Variants in MPDZ observed in about 807,000 individuals in gnomAD.
MPDZ encodes multiple PDZ domain crumbs cell polarity complex component, also known as multiple PDZ domain protein.
Under a neutral mutation model 239.1 loss-of-function variants are expected in MPDZ, and 234 were observed. The ratio of observed to expected loss-of-function variants is 0.98; its 90% CI spans 0.88 to 1.09. The LOEUF (loss-of-function observed/expected upper bound fraction) is 1.09. Among genes scored for constraint, MPDZ ranks in the 50% least tolerant of loss-of-function variants. The pLI, the probability that MPDZ is intolerant of heterozygous loss-of-function variation, is 0.00. For missense variants in MPDZ, 3,175 were observed against 2,510.0 expected, an observed-to-expected ratio of 1.26 and a Z score of -5.66; for synonymous variants, 1,048 against 881.3, an observed-to-expected ratio of 1.19 and a Z score of -3.35.
At chr9:13,145,279 A>T (rs1323044905) in intron 26 of MPDZ, among the ~76,000 whole-genome samples, 1 of 152,030 alleles carries the variant, frequency 6.6e-6, no homozygotes, top group South Asian at 2.1e-4. Flanking sequence ...AACAACGAAG[A>T]AGCACAGGGA....
Position 13,136,808 on chromosome 9 carries a change from G to A in MPDZ, c.4201-5C>T. On this transcript the variant is annotated splice_polypyrimidine_tract_variant and splice_region_variant and intron_variant, in intron 29 of 46. Coordinates refer to ENST00000319217, the MANE Select transcript of MPDZ (RefSeq NM_001378778.1). ...ATATAAAATCTGACCATTGATCTGT[G>A]AGAAATAAATATCATTAGTTGGGCC... 1 of 1,563,088 alleles carries A rather than the reference G, an allele frequency of 6.4e-7. No homozygotes were observed. Among genetic ancestry groups the A allele is most frequent in the East Asian group, 2.3e-5 (1 of 43,772 alleles).
intron 32 of MPDZ, 46 bp downstream of exon 32, chr9:13,133,778 G>T: frequency 7.6e-7 from 1 of 1,319,070 alleles, no homozygotes; most frequent in South Asian, 1.2e-5. Flanking sequence ...AGAACACTGA[G>T]GTAAAGGAAC....
intron 43 of MPDZ, 93 bp downstream of exon 43, chr9:13,111,931 A>T (rs1942550868): frequency 9.7e-6 from 13 of 1,339,252 alleles, no homozygotes; most frequent in Middle Eastern, 1.9e-4. Context: ...TAGATATTTA[A>T]AACTGCCTTG....
intron 12 of MPDZ, among the ~76,000 whole-genome samples, chr9:13,197,307 G>T (rs1379981797): frequency 6.6e-6 from 1 of 151,878 alleles, no homozygotes; most frequent in Admixed American, 6.6e-5. Flanking sequence ...TTGTTTATTT[G>T]TTTGTTTTTA....
intron 24 of MPDZ, among the ~76,000 whole-genome samples, chr9:13,154,991 G>A (rs1949648072): frequency 1.3e-5 from 2 of 152,130 alleles, no homozygotes; most frequent in South Asian, 4.1e-4. Context: ...AGCCAAGGCA[G>A]GTGGATCATG....
At chr9:13,132,114 G>T (rs1946086756) in intron 32 of MPDZ, among the ~76,000 whole-genome samples, 1 of 152,168 alleles carries the variant, frequency 6.6e-6, no homozygotes, top group African/African-American at 2.4e-5. Context: ...GTTCTCCAAG[G>T]TCTTGCATTC....
rs1236772636 is a variant in MPDZ at position 13,240,189 on chromosome 9, A to T, written c.183+7446T>A. Among the ~76,000 whole-genome samples, 3 of 152,068 alleles carry T rather than the reference A, an allele frequency of 2.0e-5. 1 individual carries two copies. Among genetic ancestry groups the T allele is most frequent in the Non-Finnish European group, 4.4e-5 (3 of 67,940 alleles). ...GGAGACAAACTGACTCACTGTTCAC[A>T]ATCTGCTTAGAGGAAAATAAAAATA... On this transcript the variant is annotated intron_variant, in intron 3 of 46. Coordinates refer to ENST00000319217, the MANE Select transcript of MPDZ (RefSeq NM_001378778.1).
intron 1 of MPDZ, among the ~76,000 whole-genome samples, chr9:13,254,505 A>G (rs1366556807): frequency 6.6e-6 from 1 of 152,172 alleles, no homozygotes. Flanking sequence ...AGTTGTTGTT[A>G]ATCTCTTATT....
Position 13,205,104 on chromosome 9 carries a change from T to C in MPDZ, c.1478A>G (p.Asn493Ser). 1 of 1,403,202 alleles carries C rather than the reference T, an allele frequency of 7.1e-7. No individual in the cohort carries two copies. The highest frequency in any genetic ancestry group is 9.4e-7 in the Non-Finnish European group (1 of 1,062,816). The allele number at this position is 1,403,202 out of a possible 1,614,324, so 86.9% of individuals were successfully genotyped here. A position where few individuals can be genotyped will look rare whatever the true frequency, so the allele number is the denominator to read the frequency against. The change falls in exon 12 of 47, where the codon AAT (asparagine) becomes AGT (serine). Residue 493 changes from asparagine to serine, a missense_variant. Coordinates refer to ENST00000319217, the MANE Select transcript of MPDZ (RefSeq NM_001378778.1). ...TAAAAAATCTTCATCTTTTTCATAA[T>C]TTTCTTAAAGATAAAAATATTTTAG... ...SPVNASIIKENYEKDEDFLSS... is the reference protein window; with the variant it reads ...SPVNASIIKESYEKDEDFLSS...
Position 13,136,325 on chromosome 9 carries a change from C to CTTTTTTTTTTTTTTTTTTTTTT in MPDZ, c.4293-165_4293-144dup, listed in dbSNP as rs869272418. 84 of 156,702 alleles carry CTTTTTTTTTTTTTTTTTTTTTT rather than the reference C, an allele frequency of 5.4e-4. 8 individuals are homozygous for CTTTTTTTTTTTTTTTTTTTTTT. Among genetic ancestry groups the CTTTTTTTTTTTTTTTTTTTTTT allele is most frequent in the African/African-American group, 1.6e-3 (26 of 16,182 alleles). The allele number at this position is 156,702 out of a possible 1,614,324, so 9.7% of individuals were successfully genotyped here. A position where few individuals can be genotyped will look rare whatever the true frequency, so the allele number is the denominator to read the frequency against. ...ACACTTACAAATTTACAAACGTTTT[C>CTTTTTTTTTTTTTTTTTTTTTT]TTTTTTTTTTTTTTTTTTTTTTTTG... On this transcript the variant is annotated intron_variant, in intron 30 of 46. Transcript: ENST00000319217.
At chr9:13,166,436 GTTTATT>G (rs772800244) in intron 22 of MPDZ, among the ~76,000 whole-genome samples, 1 of 151,984 alleles carries the variant, frequency 6.6e-6, no homozygotes, top group Non-Finnish European at 1.5e-5. Flanking sequence ...GATGATTTTA[GTTTATT>G]TTTATCATTA....
chr9:13,127,748 C>T (rs925548148), intron 32 of MPDZ, among the ~76,000 whole-genome samples: 1 of 152,156 alleles, frequency 6.6e-6, no homozygotes, highest in Non-Finnish European at 1.5e-5. Context: ...CTGACCATCT[C>T]TCTACCACCT....
chr9:13,268,427 C>A (rs1419381287), intron 1 of MPDZ, among the ~76,000 whole-genome samples: 1 of 152,030 alleles, frequency 6.6e-6, no homozygotes, highest in Non-Finnish European at 1.5e-5. Context: ...ACCCCAAATT[C>A]CATATACTTC....
intron 44 of MPDZ, 24 bp downstream of exon 44, chr9:13,110,612 T>C: frequency 3.2e-6 from 5 of 1,572,432 alleles, no homozygotes; most frequent in Non-Finnish European, 4.4e-6. Context: ...ATATTCTGAA[T>C]TATGCTTGGG....
chr9:13,198,727 ATCTC>A (rs138547279), intron 12 of MPDZ, among the ~76,000 whole-genome samples: 1,926 of 81,248 alleles, frequency 0.024, 47 homozygotes, highest in Non-Finnish European at 0.027. Flanking sequence ...TAGGTCTTTA[ATCTC>A]TCTCTCTGTG....
intron 42 of MPDZ, 93 bp downstream of exon 42, chr9:13,112,918 T>G: frequency 1.7e-6 from 2 of 1,206,238 alleles, no homozygotes; most frequent in Non-Finnish European, 2.4e-6. Context: ...TTGAGATGAA[T>G]ACTTTAAAAC....
At chr9:13,263,599 G>A (rs904914106) in intron 1 of MPDZ, among the ~76,000 whole-genome samples, 1 of 151,922 alleles carries the variant, frequency 6.6e-6, no homozygotes, top group Non-Finnish European at 1.5e-5. Context: ...TATTAAAAAC[G>A]AAGCTTTATT....
In MPDZ at chr9:13,224,562, T is replaced by G. The variant is rs763252802; in HGVS notation, c.205A>C (p.Thr69Pro). 3.7e-6 allele frequency: 6 copies of G among 1,610,352 alleles called. No homozygotes were observed. Among genetic ancestry groups the G allele is most frequent in the Non-Finnish European group, 5.1e-6 (6 of 1,177,842 alleles). Residue 69 changes from threonine to proline, a missense_variant, in exon 4 of 47, where the codon ACT becomes CCT. Physicochemically the swap from Thr to Pro is conservative, Grantham distance 38. Transcript: ENST00000319217. ...KDQVNIATSATSNIEYAHVPH... is the reference protein window; with the variant it reads ...KDQVNIATSAPSNIEYAHVPH... ...ACGTGGGCATATTCAATATTTGAAG[T>G]TGCTGAAGTTGCAATATTTACCTAA...
intron 39 of MPDZ, among the ~76,000 whole-genome samples, chr9:13,115,801 T>C (rs375986638): frequency 1.2e-4 from 18 of 151,574 alleles, no homozygotes; most frequent in Middle Eastern, 3.4e-3. Context: ...AAAAAATAGC[T>C]GGGCGTGGTG....
Sources: allele counts gnomAD v4.1 joint callset (sites outside exome capture counted in the v4.1 genomes callset), GRCh38; gene constraint gnomAD v4.1.1; transcripts MANE v1.5; gene names NCBI Gene and HGNC (gene_info 2026-07-23, HGNC 2026-07-21).